Variants in AGAP1 observed in about 807,000 individuals in gnomAD.
The protein encoded by AGAP1 is ArfGAP with GTPase domain, ankyrin repeat and PH domain 1.
AGAP1 carries 29 observed loss-of-function variants against 105.3 expected under a neutral mutation model. The observed-to-expected ratio is 0.28, with a 90% CI of 0.21 to 0.38. The LOEUF (loss-of-function observed/expected upper bound fraction) is 0.38. Among genes scored for constraint, AGAP1 ranks in the 10% least tolerant of loss-of-function variants. AGAP1 has a pLI of 1.00. For synonymous variants in AGAP1, 509 were observed against 485.9 expected (o/e 1.05, Z -0.63); for missense variants, 998 against 1,165.1 (o/e 0.86, Z 2.09).
intron 12 of AGAP1, among the ~76,000 whole-genome samples, chr2:235,946,190 G>A (rs2053491122): frequency 6.6e-6 from 1 of 151,622 alleles, no homozygotes; most frequent in African/African-American, 2.4e-5. Context: ...ACACAAAGCT[G>A]TTAATTTTGG....
chr2:236,036,706 C>G lies in AGAP1; in HGVS notation c.1791C>G (p.Ser597Arg). The G allele has an allele frequency of 1.2e-6, 2 of 1,614,172 alleles. No individual in the cohort carries two copies. Among genetic ancestry groups the G allele is most frequent in the Non-Finnish European group, 1.7e-6 (2 of 1,180,036 alleles). The change falls in exon 14 of 18, where the codon AGC (serine) becomes AGG (arginine). Residue 597 changes from serine (S) to arginine (R), a missense_variant. This residue lies in a region of AGAP1 where 735 missense variants were observed against 833.4 expected (regional missense o/e 0.88). Transcript: ENST00000304032. This position sits in a 1 kb window ranked among gnomAD's most constrained non-coding sequence, Gnocchi z 5.7. ...CCAGCCTGCAGTCGTGCGAGAGCAGCAAGAACAAGGTGAGGCCCCTGGCTG... is the reference window on the plus strand; with the variant it reads ...CCAGCCTGCAGTCGTGCGAGAGCAGGAAGAACAAGGTGAGGCCCCTGGCTG... ...ILASLQSCES[S>R]KNKSRLTSQS...
intron 13 of AGAP1, among the ~76,000 whole-genome samples, chr2:236,029,777 C>T (rs1028138537): frequency 6.6e-6 from 1 of 151,898 alleles, no homozygotes; most frequent in Non-Finnish European, 1.5e-5. Flanking sequence ...CTCACTCTTT[C>T]ACCCAGGCTA....
chr2:235,881,369 G>A (rs907540997), intron 9 of AGAP1, among the ~76,000 whole-genome samples: 9 of 152,132 alleles, frequency 5.9e-5, no homozygotes, highest in African/African-American at 1.7e-4. Context: ...TTCTCAAAGC[G>A]TCTTCTTGTA....
intron 1 of AGAP1, among the ~76,000 whole-genome samples, chr2:235,686,731 G>A (rs185141622): frequency 1.2e-4 from 18 of 144,482 alleles, no homozygotes; most frequent in Admixed American, 1.1e-3. Flanking sequence ...GCGTGATCAT[G>A]GTTCACAACA....
At chr2:235,768,106 AG>A (rs1397721418) in intron 6 of AGAP1, among the ~76,000 whole-genome samples, 5 of 152,080 alleles carry the variant, frequency 3.3e-5, no homozygotes, top group Non-Finnish European at 5.9e-5. Context: ...TAGTTTTTGA[AG>A]GTTTTTTTCT....
At chr2:235,588,677 G>A (rs981160397) in intron 1 of AGAP1, among the ~76,000 whole-genome samples, 1 of 152,124 alleles carries the variant, frequency 6.6e-6, no homozygotes, top group East Asian at 1.9e-4. Context: ...AATTCACGGA[G>A]TAACACAAAT....
At chr2:236,032,787 C>G (rs752177479) in intron 13 of AGAP1, among the ~76,000 whole-genome samples, 1 of 151,906 alleles carries the variant, frequency 6.6e-6, no homozygotes, top group Non-Finnish European at 1.5e-5. Flanking sequence ...AATCCAGGTC[C>G]GCAAGAAGGT....
chr2:235,815,574 G>A (rs532472122), intron 9 of AGAP1, among the ~76,000 whole-genome samples: 11 of 152,278 alleles, frequency 7.2e-5, no homozygotes, highest in Middle Eastern at 3.4e-3. Context: ...CTGTGTGACC[G>A]AGAGCCATCT....
chr2:235,992,188 G>A lies in AGAP1; in HGVS notation c.1645+23565G>A, dbSNP rs543371371. Among the ~76,000 whole-genome samples, 56 of 151,794 alleles carry A rather than the reference G, an allele frequency of 3.7e-4. No homozygotes were observed. The highest frequency in any genetic ancestry group is 6.2e-4 in the South Asian group (3 of 4,806). On this transcript the variant is annotated intron_variant, in intron 13 of 17. Coordinates refer to ENST00000304032, the MANE Select transcript of AGAP1 (RefSeq NM_001037131.3). This position sits in a 1 kb window ranked among gnomAD's most constrained non-coding sequence, Gnocchi z 4.8. Reference sequence around the variant, plus strand: ...GGGTCCGAGTTGCGTGGTTAGGAGCGCAGCGGAGGAGCCGGTCTTCCTGGG... The same window carrying A: ...GGGTCCGAGTTGCGTGGTTAGGAGCACAGCGGAGGAGCCGGTCTTCCTGGG...
intron 1 of AGAP1, among the ~76,000 whole-genome samples, chr2:235,658,558 G>C (rs1292612068): frequency 6.6e-6 from 1 of 152,182 alleles, no homozygotes; most frequent in African/African-American, 2.4e-5. Flanking sequence ...CCGGGTGAGA[G>C]GGTGCTGGGG....
chr2:236,015,721 T>A (rs1446596319), intron 13 of AGAP1, among the ~76,000 whole-genome samples: 4 of 152,138 alleles, frequency 2.6e-5, no homozygotes, highest in Admixed American at 6.5e-5. Flanking sequence ...GGGGGACATT[T>A]TTTTTCACTT....
intron 4 of AGAP1, among the ~76,000 whole-genome samples, chr2:235,743,512 G>A (rs1952711040): frequency 6.6e-6 from 1 of 152,172 alleles, no homozygotes; most frequent in African/African-American, 2.4e-5. Flanking sequence ...CTCTGTGGGA[G>A]CTGCTATCAC....
intron 10 of AGAP1, among the ~76,000 whole-genome samples, chr2:235,886,314 T>C (rs1427885043): frequency 4.6e-5 from 7 of 152,204 alleles, no homozygotes; most frequent in East Asian, 1.9e-4. Flanking sequence ...GGATGATACA[T>C]TTCCAGTCAA....
At chr2:235,658,836 G>A (rs4663612) in intron 1 of AGAP1, among the ~76,000 whole-genome samples, 68,551 of 152,000 alleles carry the variant, frequency 0.45, 15,585 homozygotes, top group Middle Eastern at 0.53. Flanking sequence ...TTGAGTTTTC[G>A]GCACCCTCCC....
In AGAP1 at chr2:236,039,623, A is replaced by G. The variant is rs548633258; in HGVS notation, c.1801-1128A>G. Among the ~76,000 whole-genome samples, 30 of 152,370 alleles carry G rather than the reference A, an allele frequency of 2.0e-4. No individual in the cohort carries two copies. The South Asian group carries it at 5.8e-3, about 29-fold the overall frequency. On this transcript the variant is annotated intron_variant, in intron 14 of 17. Coordinates refer to ENST00000304032, the MANE Select transcript of AGAP1 (RefSeq NM_001037131.3). ...TTAAATGTCCATCAAAGAGAACTTG[A>G]TAAGTAGGTCTTCACTAAGTGGAAT...
chr2:235,817,815 C>T (rs777351485), intron 9 of AGAP1, among the ~76,000 whole-genome samples: 4 of 152,146 alleles, frequency 2.6e-5, no homozygotes, highest in East Asian at 1.9e-4. Context: ...CGCTTGAACC[C>T]GGGACGGGGA....
chr2:235,616,958 T>G (rs1001331620), intron 1 of AGAP1, among the ~76,000 whole-genome samples: 1 of 151,878 alleles, frequency 6.6e-6, no homozygotes, highest in African/African-American at 2.4e-5. Flanking sequence ...TTTAAATTTT[T>G]TTTATTTTTT....
At chr2:235,920,420 A>G (rs1432842619) in intron 11 of AGAP1, among the ~76,000 whole-genome samples, 1 of 152,148 alleles carries the variant, frequency 6.6e-6, no homozygotes, top group Non-Finnish European at 1.5e-5. Context: ...CATCCGCTGC[A>G]TGCGCATGGT....
chr2:236,091,140 A>G (rs529407925), intron 16 of AGAP1, among the ~76,000 whole-genome samples: 4 of 152,350 alleles, frequency 2.6e-5, no homozygotes, highest in Non-Finnish European at 2.9e-5. Context: ...GTGTTTGCAT[A>G]TCTGCACGCA....
Sources: gnomAD v4.1 joint callset for allele counts (sites outside exome capture counted in the v4.1 genomes callset) on GRCh38, gnomAD v4.1.1 for gene constraint, gnomAD v4.1.1 regional missense constraint, Gnocchi (gnomAD v3.1) non-coding constraint, MANE v1.5 for transcripts, NCBI Gene and HGNC (gene_info 2026-07-23, HGNC 2026-07-21) for gene names.